ZKSCAN5: variants seen among roughly 807,000 people sequenced by gnomAD.
ZKSCAN5 encodes zinc finger protein with KRAB and SCAN domains 5.
A neutral mutation model predicts 60.0 loss-of-function variants in ZKSCAN5; 28 were observed. The observed-to-expected ratio is 0.47, with a 90% CI of 0.35 to 0.64. The LOEUF (loss-of-function observed/expected upper bound fraction) is 0.64, where lower values mean the gene tolerates loss of function less well. Ranked by LOEUF, ZKSCAN5 falls within the 30% of genes least tolerant of loss-of-function variation. ZKSCAN5 has a pLI of 0.01. For missense variants in ZKSCAN5, 881 were observed against 1,034.6 expected (o/e 0.85, Z 2.04); for synonymous variants, 361 against 371.2 (o/e 0.97, Z 0.31).
intron 5 of ZKSCAN5, among the ~76,000 whole-genome samples, chr7:99,523,054 A>G (rs1329172234): frequency 1.3e-5 from 2 of 149,060 alleles, no homozygotes; most frequent in African/African-American, 2.5e-5. Context: ...ACTCTCAGCT[A>G]CTTAGGAGCT....
Position 99,506,201 on chromosome 7 carries a change from T to A in ZKSCAN5, c.157T>A (p.Phe53Ile). ...AACGTTTGAGACTTTTTACCAGCGC[T>A]TCAGGCACTTCCAGTACCATGAGGC... The part of the protein sequence containing the change: ...PPTFETFYQR[F>I]RHFQYHEASG... The change falls in exon 2 of 7, where the codon TTC becomes ATC. Residue 53 changes from phenylalanine (F) to isoleucine (I), a missense_variant. By Grantham distance (21) the Phe-to-Ile change is conservative. Coordinates refer to ENST00000326775, the MANE Select transcript of ZKSCAN5 (RefSeq NM_145102.4). 6.2e-7 allele frequency: 1 copy of A among 1,614,214 alleles called. No homozygotes were observed. Among genetic ancestry groups the A allele is most frequent in the Non-Finnish European group, 8.5e-7 (1 of 1,180,050 alleles).
chr7:99,525,795 C>A lies in ZKSCAN5; in HGVS notation c.773-18C>A. The stretch of plus-strand genomic sequence containing the variant: ...TCAAGGAAAAGCTCATTTTTTAATT[C>A]TCCCTCTGTTATTTCAGGTTATGAG... On this transcript the variant is annotated intron_variant, in intron 5 of 6. Transcript: ENST00000326775. 1 of 1,570,362 alleles carries A rather than the reference C, an allele frequency of 6.4e-7. No individual in the cohort carries two copies. Among genetic ancestry groups the A allele is most frequent in the Non-Finnish European group, 8.6e-7 (1 of 1,158,142 alleles).
intron 1 of ZKSCAN5, chr7:99,505,222 A>T (rs1338573622): frequency 6.6e-6 from 1 of 151,644 alleles, no homozygotes; most frequent in African/African-American, 2.4e-5. Flanking sequence ...GGTGGGATCT[A>T]ACGGTTTAAC....
intron 6 of ZKSCAN5, among the ~76,000 whole-genome samples, chr7:99,527,719 T>C (rs183053271): frequency 2.6e-5 from 4 of 152,234 alleles, no homozygotes; most frequent in South Asian, 2.1e-4. Flanking sequence ...AGTTTCACTC[T>C]TGTTGCCCAG....
chr7:99,507,533 A>ATATATATGTG lies in ZKSCAN5; in HGVS notation c.414+1082_414+1083insGTGTATATAT, dbSNP rs1422724416. 1.4e-4 allele frequency among the ~76,000 whole-genome samples: 16 copies of ATATATATGTG among 112,916 alleles called. No homozygotes were observed. In the South Asian group the frequency reaches 1.9e-3, roughly 13 times the overall value. The allele number at this position is 112,916 out of a possible 152,430, so 74.1% of individuals were successfully genotyped here. Reference sequence around the variant, plus strand: ...TATGTGTGTATATATGTATATGTGTATATATATATGTATATATATGTATAT... The same window carrying ATATATATGTG: ...TATGTGTGTATATATGTATATGTGTATATATATGTGTATATATATGTATATATATGTATAT... On this transcript the variant is annotated intron_variant, in intron 2 of 6. Transcript: ENST00000326775.
At chr7:99,516,656 G>T (rs1199139160) in intron 3 of ZKSCAN5, among the ~76,000 whole-genome samples, 1 of 152,132 alleles carries the variant, frequency 6.6e-6, no homozygotes, top group East Asian at 1.9e-4. Context: ...AGCAAGCAGA[G>T]GTGACCTCGG....
intron 2 of ZKSCAN5, among the ~76,000 whole-genome samples, chr7:99,512,029 T>C (rs1801057022): frequency 6.6e-6 from 1 of 152,140 alleles, no homozygotes; most frequent in African/African-American, 2.4e-5. Flanking sequence ...TCTGACCTAG[T>C]GATCCACCTG....
At position 99,532,805 on chromosome 7, in the gene ZKSCAN5, A is replaced by G. The variant is rs1215002634; in HGVS notation, c.*556A>G. ...CTTTGAAAAGAAATGGACTTAAAGTATCTCTGTTTTGGCAAAATTCAGGTT... is the reference window on the plus strand; with the variant it reads ...CTTTGAAAAGAAATGGACTTAAAGTGTCTCTGTTTTGGCAAAATTCAGGTT... On this transcript the variant is annotated 3_prime_UTR_variant, in exon 7 of 7. Coordinates refer to ENST00000326775, the MANE Select transcript of ZKSCAN5 (RefSeq NM_145102.4). 1.3e-5 allele frequency: 2 copies of G among 155,196 alleles called. No individual in the cohort carries two copies. Among genetic ancestry groups the G allele is most frequent in the South Asian group, 2.0e-4 (1 of 5,018 alleles). The allele number at this position is 155,196 out of a possible 1,614,324, so 9.6% of individuals were successfully genotyped here.
At position 99,533,769 on chromosome 7, in the gene ZKSCAN5, C is replaced by T; in HGVS notation, c.*1520C>T. 2.5e-6 allele frequency: 1 copy of T among 397,578 alleles called. No homozygotes were observed. The highest frequency in any genetic ancestry group is 4.4e-6 in the Non-Finnish European group (1 of 225,962). The allele number at this position is 397,578 out of a possible 1,614,324, so 24.6% of individuals were successfully genotyped here. A position where few individuals can be genotyped will look rare whatever the true frequency, so the allele number is the denominator to read the frequency against. Reference sequence around the variant, plus strand: ...TGCTAAGCTCTCTCCCTTCTCTATCCTGTTTCATTCCCTCCCTCAAAGGCG... The same window carrying T: ...TGCTAAGCTCTCTCCCTTCTCTATCTTGTTTCATTCCCTCCCTCAAAGGCG... On this transcript the variant is annotated 3_prime_UTR_variant, in exon 7 of 7. Coordinates refer to ENST00000326775, the MANE Select transcript of ZKSCAN5 (RefSeq NM_145102.4).
chr7:99,525,171 A>G (rs1287929669), intron 5 of ZKSCAN5, among the ~76,000 whole-genome samples: 1 of 144,484 alleles, frequency 6.9e-6, no homozygotes, highest in Non-Finnish European at 1.5e-5. Context: ...GTCTCAAAAG[A>G]AAAAAAAAAA....
At chr7:99,523,747 T>C (rs1801650159) in intron 5 of ZKSCAN5, among the ~76,000 whole-genome samples, 1 of 152,184 alleles carries the variant, frequency 6.6e-6, no homozygotes, top group Non-Finnish European at 1.5e-5. Flanking sequence ...GGTTTTGTGA[T>C]AGGGTTTTTT....
Position 99,533,262 on chromosome 7 carries a change from A to G in ZKSCAN5, c.*1013A>G. 1.4e-6 allele frequency: 1 copy of G among 690,060 alleles called. No individual in the cohort carries two copies. Among genetic ancestry groups the G allele is most frequent in the Non-Finnish European group, 2.6e-6 (1 of 377,390 alleles). 42.7% of individuals were successfully genotyped at this position (690,060 alleles called of 1,614,324 possible). On this transcript the variant is annotated 3_prime_UTR_variant, in exon 7 of 7. Coordinates refer to ENST00000326775, the MANE Select transcript of ZKSCAN5 (RefSeq NM_145102.4). ...TGAAAGTAATCAGTCGTGAGCAGGC[A>G]GGCAGGAGGTCCTGTTAGCCCTGCC... is the stretch of plus-strand genomic sequence containing the variant.
chr7:99,506,170 C>T lies in ZKSCAN5; in HGVS notation c.126C>T (p.Asn42=), dbSNP rs1800717513. ...ACTGCACCTGGATGCAGGAGTACAA[C>T]CCGCCAACGTTTGAGACTTTTTACC... is the stretch of plus-strand genomic sequence containing the variant. The part of the protein sequence containing the change: ...EEDCTWMQEY[N]PPTFETFYQR... Residue 42 remains asparagine (N), a synonymous_variant, in exon 2 of 7, where the codon AAC becomes AAT. Transcript: ENST00000326775. The T allele has an allele frequency of 8.7e-6, 14 of 1,614,198 alleles. No homozygotes were observed. Among genetic ancestry groups the T allele is most frequent in the Non-Finnish European group, 1.2e-5 (14 of 1,180,050 alleles).
rs543927365 is a variant in ZKSCAN5, at chr7:99,531,702, A to C, written c.1973A>C (p.Glu658Ala). 5.0e-6 allele frequency: 8 copies of C among 1,614,244 alleles called. 1 individual carries two copies. In the Admixed American group the frequency reaches 1.3e-4, roughly 27 times the overall value. Residue 658 changes from glutamate (E) to alanine (A), a missense_variant, in exon 7 of 7, where the codon GAG becomes GCG. Glu to Ala is a moderately radical substitution (Grantham distance 107). Coordinates refer to ENST00000326775, the MANE Select transcript of ZKSCAN5 (RefSeq NM_145102.4). ...GGACATCTTCGACTCCACTCCCGAGAGAAATCCCATCAGTGTCGTGAATGT... is the reference window on the plus strand; with the variant it reads ...GGACATCTTCGACTCCACTCCCGAGCGAAATCCCATCAGTGTCGTGAATGT... ...LAGHLRLHSR[E>A]KSHQCRECGE... is the part of the protein sequence containing the mutation.
intron 6 of ZKSCAN5, among the ~76,000 whole-genome samples, chr7:99,529,231 C>T (rs1801939954): frequency 6.6e-6 from 1 of 152,166 alleles, no homozygotes; most frequent in African/African-American, 2.4e-5. Context: ...GCTTCTGCCT[C>T]CTGGGTTCAG....
chr7:99,520,734 T>C (rs754041501), intron 5 of ZKSCAN5, among the ~76,000 whole-genome samples: 4 of 152,114 alleles, frequency 2.6e-5, no homozygotes, highest in Admixed American at 6.6e-5. Flanking sequence ...GTGTGGTAGC[T>C]CATGCCTGTA....
At chr7:99,515,099 ATAAAATT>A (rs1410767482) in intron 3 of ZKSCAN5, among the ~76,000 whole-genome samples, 3 of 151,788 alleles carry the variant, frequency 2.0e-5, no homozygotes, top group African/African-American at 7.3e-5. Context: ...AAAAATAAAA[ATAAAATT>A]TAAAGCTGCT....
chr7:99,526,336 C>T lies in ZKSCAN5; in HGVS notation c.1296C>T (p.Cys432=), dbSNP rs144006303. 10 of 1,608,976 alleles carry T rather than the reference C, an allele frequency of 6.2e-6. No individual in the cohort carries two copies. The African/African-American group carries it at 9.3e-5, about 15-fold the overall frequency. ...SVHSGERPYG[C]NECGKNFGRH... ...ACAGCGGAGAGAGGCCCTATGGCTG[C>T]AATGAGTGTGGGAAGAACTTCGGTC... The change falls in exon 6 of 7, where the codon TGC becomes TGT. Residue 432 remains cysteine, a synonymous_variant. Coordinates refer to ENST00000326775, the MANE Select transcript of ZKSCAN5 (RefSeq NM_145102.4).
intron 5 of ZKSCAN5, among the ~76,000 whole-genome samples, chr7:99,521,185 A>G (rs1016747231): frequency 1.3e-5 from 2 of 152,014 alleles, no homozygotes; most frequent in African/African-American, 4.8e-5. Context: ...ACACGCTACA[A>G]AATATATTTA....
Sources: gnomAD v4.1 joint callset for allele counts (sites outside exome capture counted in the v4.1 genomes callset) on GRCh38, gnomAD v4.1.1 for gene constraint, MANE v1.5 for transcripts, NCBI Gene and HGNC (gene_info 2026-07-23, HGNC 2026-07-21) for gene names.